LNPK: variants seen among roughly 807,000 people sequenced by gnomAD.
LNPK encodes lunapark, ER junction formation factor, also known as endoplasmic reticulum junction formation protein lunapark.
A neutral mutation model predicts 55.2 loss-of-function variants in LNPK; 29 were observed. That is an observed-to-expected ratio of 0.53 (90% confidence interval 0.39 to 0.72). The LOEUF (loss-of-function observed/expected upper bound fraction) is 0.72, where lower values mean the gene tolerates loss of function less well. Ranked by LOEUF, LNPK falls within the 30% of genes least tolerant of loss-of-function variation. The pLI is 0.00. For missense variants in LNPK, 467 were observed against 494.8 expected (o/e 0.94, Z 0.53); for synonymous variants, 162 against 168.2 (o/e 0.96, Z 0.29).
intron 8 of LNPK, among the ~76,000 whole-genome samples, chr2:175,961,644 A>T (rs560826181): frequency 6.6e-6 from 1 of 152,342 alleles, no homozygotes; most frequent in East Asian, 1.9e-4. Context: ...AACTGGCACA[A>T]GGCAGGGATG....
At chr2:175,937,760 C>G in intron 11 of LNPK, 1 of 318,610 alleles carries the variant, frequency 3.1e-6, no homozygotes, top group Non-Finnish European at 5.7e-6. Context: ...AGCAGGCTAA[C>G]TATGTAATAA....
chr2:175,983,231 A>C (rs1461949311), intron 4 of LNPK, among the ~76,000 whole-genome samples: 1 of 152,216 alleles, frequency 6.6e-6, no homozygotes, highest in African/African-American at 2.4e-5. Context: ...ATTAAAAAGA[A>C]ATTATTCAGA....
chr2:175,953,535 G>A (rs945456278), intron 8 of LNPK, among the ~76,000 whole-genome samples: 1 of 151,976 alleles, frequency 6.6e-6, no homozygotes, highest in African/African-American at 2.4e-5. Flanking sequence ...AAACAAAAAC[G>A]TAGGTCACAT....
upstream of LNPK, chr2:176,002,277 C>T (rs1216663823): frequency 2.2e-6 from 1 of 445,350 alleles, no homozygotes; most frequent in Non-Finnish European, 4.5e-6. Flanking sequence ...CAAGCCGGGC[C>T]AACTCCTTCC....
intron 8 of LNPK, among the ~76,000 whole-genome samples, chr2:175,962,067 T>C (rs958296120): frequency 2.0e-5 from 3 of 152,112 alleles, no homozygotes; most frequent in East Asian, 1.9e-4. Context: ...CACAAACAAA[T>C]AGAAGAACAT....
chr2:175,935,707 C>T, intron 12 of LNPK: 1 of 904,132 alleles, frequency 1.1e-6, no homozygotes, highest in South Asian at 5.1e-5. Context: ...AATAACATTA[C>T]CTTATTGGGG....
chr2:175,927,586 G>A lies in LNPK; in HGVS notation c.*2381C>T, dbSNP rs1281940825. 1.3e-5 allele frequency: 2 copies of A among 152,174 alleles called. No individual in the cohort carries two copies. The highest frequency in any genetic ancestry group is 3.8e-4 in the East Asian group (2 of 5,196). The allele number at this position is 152,174 out of a possible 1,614,324, so 9.4% of individuals were successfully genotyped here. A position where few individuals can be genotyped will look rare whatever the true frequency, so the allele number is the denominator to read the frequency against. On this transcript the variant is annotated 3_prime_UTR_variant, in exon 13 of 13. Transcript: ENST00000272748. The stretch of plus-strand genomic sequence containing the variant: ...AGCACAATGATGGCGGGAAGACGGA[G>A]AGACAGAAGCTAGACCATGTTTGTA...
intron 8 of LNPK, among the ~76,000 whole-genome samples, chr2:175,956,298 A>G (rs1685692155): frequency 6.7e-6 from 1 of 149,988 alleles, no homozygotes; most frequent in Admixed American, 6.7e-5. Flanking sequence ...AAAAAAAAAG[A>G]TTTCATTTTT....
Position 175,987,186 on chromosome 2 carries a change from G to A in LNPK, c.257+5045C>T, listed in dbSNP as rs548767849. Among the ~76,000 whole-genome samples, 615 of 152,182 alleles carry A rather than the reference G, an allele frequency of 4.0e-3. 4 individuals are homozygous for A. Among genetic ancestry groups the A allele is most frequent in the African/African-American group, 0.014 (576 of 41,524 alleles). On this transcript the variant is annotated intron_variant, in intron 4 of 12. Transcript: ENST00000272748. ...TCCCATTACTGGGTATATACCCAAAGGATTGTAAATCATGCTGCTATAAAG... is the reference window on the plus strand; with the variant it reads ...TCCCATTACTGGGTATATACCCAAAAGATTGTAAATCATGCTGCTATAAAG...
chr2:176,002,135 A>G, intron 1 of LNPK, 25 bp downstream of exon 1: 2 of 428,404 alleles, frequency 4.7e-6, no homozygotes, highest in Non-Finnish European at 9.3e-6. Context: ...AGCCCTCCCA[A>G]CTGCCCTCGC....
At position 175,929,246 on chromosome 2, in the gene LNPK, T is replaced by A. The variant is rs1684151887; in HGVS notation, c.*721A>T. On this transcript the variant is annotated 3_prime_UTR_variant, in exon 13 of 13. Coordinates refer to ENST00000272748, the MANE Select transcript of LNPK (RefSeq NM_030650.3). ...AAATAGGGTCAAGTGCAGAAATATTTCCTATATGCTAGTGTGTAAATATAA... is the reference window on the plus strand; with the variant it reads ...AAATAGGGTCAAGTGCAGAAATATTACCTATATGCTAGTGTGTAAATATAA... The A allele has an allele frequency of 1.0e-6, 1 of 960,594 alleles. No individual in the cohort carries two copies. The highest frequency in any genetic ancestry group is 1.2e-6 in the Non-Finnish European group (1 of 807,078). The allele number at this position is 960,594 out of a possible 1,614,324, so 59.5% of individuals were successfully genotyped here.
At chr2:175,958,131 G>A (rs1324922701) in intron 8 of LNPK, among the ~76,000 whole-genome samples, 2 of 152,224 alleles carry the variant, frequency 1.3e-5, no homozygotes, top group Non-Finnish European at 2.9e-5. Flanking sequence ...TCTGGGGGCA[G>A]GGCATAGCTG....
chr2:175,996,173 T>G (rs533110778), intron 1 of LNPK, among the ~76,000 whole-genome samples: 4 of 152,218 alleles, frequency 2.6e-5, no homozygotes, highest in Non-Finnish European at 5.9e-5. Flanking sequence ...TGAAAAAGTT[T>G]GAAAAGCTTT....
chr2:175,983,975 GA>G (rs1375717991), intron 4 of LNPK, among the ~76,000 whole-genome samples: 1 of 150,714 alleles, frequency 6.6e-6, no homozygotes, highest in East Asian at 1.9e-4. Flanking sequence ...AAAAGTAAGA[GA>G]AAATCTTCAC....
At chr2:175,940,497 A>G (rs1266903718) in intron 9 of LNPK, among the ~76,000 whole-genome samples, 53 of 152,310 alleles carry the variant, frequency 3.5e-4, no homozygotes, top group Non-Finnish European at 4.4e-5. Context: ...AATATTGCCC[A>G]TTTCCAATCA....
At chr2:175,946,449 G>T (rs948431188) in intron 9 of LNPK, among the ~76,000 whole-genome samples, 9 of 152,088 alleles carry the variant, frequency 5.9e-5, no homozygotes, top group African/African-American at 2.2e-4. Flanking sequence ...ATTGTTTTAT[G>T]TAACTATTTT....
intron 5 of LNPK, among the ~76,000 whole-genome samples, chr2:175,977,655 G>A (rs1686971718): frequency 6.6e-6 from 1 of 152,156 alleles, no homozygotes; most frequent in Non-Finnish European, 1.5e-5. Flanking sequence ...CATAGATAAT[G>A]AGTGACCTTG....
chr2:175,970,774 C>A lies in LNPK; in HGVS notation c.347G>T (p.Arg116Met). The change falls in exon 6 of 13, where the codon AGG becomes ATG. Residue 116 changes from arginine to methionine, a missense_variant. Transcript: ENST00000272748. The stretch of plus-strand genomic sequence containing the variant: ...TAAAAGTTAACTTACTATTTTTTTC[C>A]TCTGGGATTTTAAATCATCCAATGC... ...NEALDDLKSQRKKILEEVMEK... is the reference protein window; with the variant it reads ...NEALDDLKSQMKKILEEVMEK... 1.5e-6 allele frequency: 2 copies of A among 1,371,228 alleles called. No individual in the cohort carries two copies. The highest frequency in any genetic ancestry group is 1.5e-5 in the South Asian group (1 of 64,902). 84.9% of individuals were successfully genotyped at this position (1,371,228 alleles called of 1,614,324 possible).
chr2:175,932,617 GTATT>G (rs759773078), intron 12 of LNPK, among the ~76,000 whole-genome samples: 5 of 152,162 alleles, frequency 3.3e-5, no homozygotes, highest in Non-Finnish European at 7.3e-5. Flanking sequence ...AATAAGATAG[GTATT>G]GATGTTTGGA....
Sources: allele counts gnomAD v4.1 joint callset (sites outside exome capture counted in the v4.1 genomes callset), GRCh38; gene constraint gnomAD v4.1.1; transcripts MANE v1.5; gene names NCBI Gene and HGNC (gene_info 2026-07-23, HGNC 2026-07-21).